The following MAPKAP1 variants were observed in gnomAD, a reference collection of about 807,000 sequenced individuals.
MAPKAP1 encodes the protein MAPK associated protein 1, also known as target of rapamycin complex 2 subunit MAPKAP1.
A neutral mutation model predicts 65.7 loss-of-function variants in MAPKAP1; 20 were observed. That is an observed-to-expected ratio of 0.30 (90% CI 0.21 to 0.44). MAPKAP1 has a LOEUF of 0.44. MAPKAP1 is among the 20% of genes least tolerant of loss of function. MAPKAP1 has a pLI of 1.00. For missense variants in MAPKAP1, 423 were observed against 648.0 expected (o/e 0.65, Z 3.77); for synonymous variants, 222 against 244.3 (o/e 0.91, Z 0.85).
intron 8 of MAPKAP1, among the ~76,000 whole-genome samples, chr9:125,493,215 A>G (rs1392782515): frequency 6.6e-6 from 1 of 152,174 alleles, no homozygotes; most frequent in Non-Finnish European, 1.5e-5. Flanking sequence ...GCTCCACTCT[A>G]TCTTGAAGTC....
chr9:125,704,080 C>T (rs1191880964), intron 1 of MAPKAP1, among the ~76,000 whole-genome samples: 2 of 152,220 alleles, frequency 1.3e-5, no homozygotes, highest in Admixed American at 1.3e-4. Context: ...CAATGACTGG[C>T]ACACTGAAGC....
At chr9:125,610,593 C>T (rs1832570383) in intron 4 of MAPKAP1, among the ~76,000 whole-genome samples, 2 of 152,136 alleles carry the variant, frequency 1.3e-5, no homozygotes, top group South Asian at 4.1e-4. Context: ...CCACCAAAGA[C>T]CTACATGTGA....
chr9:125,572,522 C>A (rs1831265798), intron 5 of MAPKAP1, among the ~76,000 whole-genome samples: 2 of 152,198 alleles, frequency 1.3e-5, no homozygotes, highest in South Asian at 4.1e-4. Flanking sequence ...AACTATGGTA[C>A]ACTTTCTACT....
At chr9:125,555,218 T>C (rs967425949) in intron 6 of MAPKAP1, among the ~76,000 whole-genome samples, 3 of 152,358 alleles carry the variant, frequency 2.0e-5, no homozygotes, top group African/African-American at 7.2e-5. Context: ...TGGATAAACA[T>C]TGAGACTTTA....
intron 4 of MAPKAP1, chr9:125,652,328 C>A: frequency 9.7e-7 from 1 of 1,029,556 alleles, no homozygotes. Flanking sequence ...AAGCTATTAA[C>A]CAGTATGTGT....
intron 2 of MAPKAP1, among the ~76,000 whole-genome samples, chr9:125,670,189 A>C (rs1490672703): frequency 1.3e-5 from 2 of 152,188 alleles, no homozygotes; most frequent in Non-Finnish European, 2.9e-5. Context: ...TCTGTGATTA[A>C]TATGACATTT....
At position 125,707,179 on chromosome 9, in the gene MAPKAP1, G is replaced by A. The variant is rs1163185387; in HGVS notation, c.-278C>T. The A allele has an allele frequency of 1.0e-5, 4 of 398,170 alleles. No homozygotes were observed. Among genetic ancestry groups the A allele is most frequent in the Non-Finnish European group, 1.8e-5 (4 of 225,756 alleles). The allele number at this position is 398,170 out of a possible 1,614,324, so 24.7% of individuals were successfully genotyped here. On this transcript the variant is annotated 5_prime_UTR_variant, in exon 1 of 12. Coordinates refer to ENST00000265960, the MANE Select transcript of MAPKAP1 (RefSeq NM_001006617.3). Reference sequence around the variant, plus strand: ...CTCGCCGCCGCCGGCCGGCCGAGCAGCAGCCCTATTACCCCGAGCCGCACA... The same window carrying A: ...CTCGCCGCCGCCGGCCGGCCGAGCAACAGCCCTATTACCCCGAGCCGCACA...
rs1438783861 is a variant in MAPKAP1, at chr9:125,707,094, C to T, written c.-193G>A. 7.5e-6 allele frequency: 3 copies of T among 398,082 alleles called. No individual in the cohort carries two copies. The Admixed American group carries it at 1.3e-4, about 18-fold the overall frequency. 24.7% of individuals were successfully genotyped at this position (398,082 alleles called of 1,614,324 possible). Reference sequence around the variant, plus strand: ...CTGCACTCTCGGGATCCACGGGGACCGGCGCTCCTCCCGGCCCGCTCAGCT... The same window carrying T: ...CTGCACTCTCGGGATCCACGGGGACTGGCGCTCCTCCCGGCCCGCTCAGCT... On this transcript the variant is annotated 5_prime_UTR_variant, in exon 1 of 12. Coordinates refer to ENST00000265960, the MANE Select transcript of MAPKAP1 (RefSeq NM_001006617.3).
At chr9:125,567,895 G>T (rs990863813) in intron 5 of MAPKAP1, 1 of 152,226 alleles carries the variant, frequency 6.6e-6, no homozygotes, top group Non-Finnish European at 1.5e-5. Context: ...AAGTGGTGGG[G>T]TCTGGTAACA....
chr9:125,698,462 C>T (rs944330729), intron 1 of MAPKAP1, among the ~76,000 whole-genome samples: 2 of 150,778 alleles, frequency 1.3e-5, no homozygotes, highest in African/African-American at 4.9e-5. Context: ...CTCAGCCTCC[C>T]GAGTAACTGG....
rs1832103180 is a variant in MAPKAP1, at chr9:125,595,702, G to A, written c.499-9975C>T. On this transcript the variant is annotated intron_variant, in intron 4 of 11. Transcript: ENST00000265960. The surrounding 1 kb of genome is among the most constrained non-coding windows in gnomAD (Gnocchi z 4.0). ...CAGAGTCTCCTAAAGAGCCGGAACA[G>A]CTAAGGAATCTCTTCATTGGAGGGT... 3 of 1,559,012 alleles carry A rather than the reference G, an allele frequency of 1.9e-6. No homozygotes were observed. The highest frequency in any genetic ancestry group is 3.6e-5 in the Admixed American group (2 of 55,512).
At chr9:125,671,494 T>A (rs1019996480) in intron 2 of MAPKAP1, among the ~76,000 whole-genome samples, 3 of 152,152 alleles carry the variant, frequency 2.0e-5, no homozygotes, top group African/African-American at 7.2e-5. Flanking sequence ...TACTGCTAAT[T>A]TGAAGATTAT....
chr9:125,580,945 G>A (rs75453999), intron 5 of MAPKAP1, among the ~76,000 whole-genome samples: 1,840 of 152,300 alleles, frequency 0.012, 30 homozygotes, highest in Middle Eastern at 0.048. Flanking sequence ...TTTTGAGGAT[G>A]TTACATAAAT....
chr9:125,654,324 C>G (rs1011999442), intron 4 of MAPKAP1, among the ~76,000 whole-genome samples: 1 of 152,142 alleles, frequency 6.6e-6, no homozygotes, highest in African/African-American at 2.4e-5. Context: ...CCGTTCTCAA[C>G]AATGCTTAAG....
chr9:125,699,323 C>G (rs571542097), intron 1 of MAPKAP1, among the ~76,000 whole-genome samples: 1 of 152,048 alleles, frequency 6.6e-6, no homozygotes, highest in Non-Finnish European at 1.5e-5. Context: ...ATCCTCCTGC[C>G]TCGGCCTCCC....
intron 5 of MAPKAP1, among the ~76,000 whole-genome samples, chr9:125,577,733 G>A (rs1488418913): frequency 3.9e-4 from 49 of 125,050 alleles, no homozygotes; most frequent in Admixed American, 8.6e-4. Context: ...GGTGAGGGGC[G>A]CCTCTGCCTG....
At chr9:125,495,243 G>C (rs1366057629) in intron 8 of MAPKAP1, among the ~76,000 whole-genome samples, 1 of 152,166 alleles carries the variant, frequency 6.6e-6, no homozygotes, top group Non-Finnish European at 1.5e-5. Flanking sequence ...GAGAGTCAGA[G>C]GATGAGGGCA....
chr9:125,514,367 G>A lies in MAPKAP1; in HGVS notation c.959-7950C>T, dbSNP rs554664008. ...CGCTGCCTCCCCCAGCCTCGAGGCA[G>A]GGATGAGTAATCTCTGTGCTTGGTG... On this transcript the variant is annotated intron_variant, in intron 7 of 11. Coordinates refer to ENST00000265960, the MANE Select transcript of MAPKAP1 (RefSeq NM_001006617.3). Among the ~76,000 whole-genome samples the A allele has an allele frequency of 9.0e-4, 137 of 152,276 alleles. 2 individuals carry two copies. In the South Asian group the frequency reaches 0.021, roughly 23 times the overall value.
intron 6 of MAPKAP1, among the ~76,000 whole-genome samples, chr9:125,558,131 G>C (rs527663910): frequency 6.6e-6 from 1 of 152,122 alleles, no homozygotes; most frequent in African/African-American, 2.4e-5. Flanking sequence ...GTCTCCCAAA[G>C]TGCTGGGATT....
Sources: allele counts gnomAD v4.1 joint callset (sites outside exome capture counted in the v4.1 genomes callset), GRCh38; gene constraint gnomAD v4.1.1; non-coding constraint Gnocchi (gnomAD v3.1); transcripts MANE v1.5; gene names NCBI Gene and HGNC (gene_info 2026-07-23, HGNC 2026-07-21).